SYNE1: variants seen among roughly 807,000 people sequenced by gnomAD.
SYNE1 encodes the protein nesprin-1.
In SYNE1, 616 loss-of-function variants were observed where a neutral mutation model predicts 1,111.0. The ratio of observed to expected loss-of-function variants is 0.55; its 90% CI spans 0.52 to 0.59. The LOEUF (loss-of-function observed/expected upper bound fraction) is 0.59, where lower values mean the gene tolerates loss of function less well. Ranked by LOEUF, SYNE1 falls within the 20% of genes least tolerant of loss-of-function variation. The probability of loss-of-function intolerance (pLI) is 0.00; values close to 1 mark genes in which losing one functional copy is unlikely to be tolerated. For synonymous variants in SYNE1, 3,855 were observed against 3,825.8 expected, an observed-to-expected ratio of 1.01 and a Z score of -0.28; for missense variants, 10,006 against 10,417.0, an observed-to-expected ratio of 0.96 and a Z score of 1.72.
At chr6:152,141,033 T>C (rs556109819) in intron 139 of SYNE1, among the ~76,000 whole-genome samples, 170 bp downstream of exon 139, 103 of 129,914 alleles carry the variant, frequency 7.9e-4, no homozygotes, top group African/African-American at 3.3e-3. Context: ...CCACTCCGCC[T>C]CAAAAAACAA....
chr6:152,262,598 C>T (rs1263461703), intron 100 of SYNE1, among the ~76,000 whole-genome samples: 4 of 151,866 alleles, frequency 2.6e-5, no homozygotes, highest in South Asian at 2.1e-4. Context: ...CAGGAGGGTA[C>T]AACAGGACAC....
intron 39 of SYNE1, among the ~76,000 whole-genome samples, chr6:152,421,671 TTTTA>T (rs377235444): frequency 0.13 from 18,773 of 145,292 alleles, 1,557 homozygotes; most frequent in African/African-American, 0.25. Flanking sequence ...ATTTTCCTTA[TTTTA>T]TTTATTTATT....
At position 152,385,800 on chromosome 6, in the gene SYNE1, A is replaced by G. The variant is rs543983989; in HGVS notation, c.8526T>C (p.His2842=). The change falls in exon 55 of 146, where the codon CAT becomes CAC. Residue 2842 remains histidine (H), a synonymous_variant. Coordinates refer to ENST00000367255, the MANE Select transcript of SYNE1 (RefSeq NM_182961.4). The part of the protein sequence containing the change: ...MRKVEEIVKD[H]LMYLDAVHEF... ...CGTGGACCGCATCTAAATACATTAG[A>G]TGATCTTTCACAATCTCTTCCACTT... 34 of 1,614,134 alleles carry G rather than the reference A, an allele frequency of 2.1e-5. No individual in the cohort carries two copies. In the African/African-American group the frequency reaches 3.9e-4, roughly 18 times the overall value.
intron 44 of SYNE1, 51 bp from the exon 45 acceptor site, chr6:152,407,247 T>A (rs942354965): frequency 6.4e-7 from 1 of 1,573,420 alleles, no homozygotes; most frequent in Non-Finnish European, 8.7e-7. Flanking sequence ...CGTAAGATGA[T>A]CATCCCCCAA....
At chr6:152,506,091 TC>T (rs1456016294) in intron 8 of SYNE1, among the ~76,000 whole-genome samples, 1 of 152,222 alleles carries the variant, frequency 6.6e-6, no homozygotes, top group Non-Finnish European at 1.5e-5. Flanking sequence ...TGGTGGTAAA[TC>T]TTTTTTCTTT....
rs750022864 is a variant in SYNE1, at chr6:152,455,385, C to T, written c.2892+41G>A. The T allele has an allele frequency of 3.1e-6, 5 of 1,589,970 alleles. No homozygotes were observed. The South Asian group carries it at 4.6e-5, about 15-fold the overall frequency. On this transcript the variant is annotated intron_variant, in intron 24 of 145. Coordinates refer to ENST00000367255, the MANE Select transcript of SYNE1 (RefSeq NM_182961.4). Reference sequence around the variant, plus strand: ...TAAGCTTTCCTCCAAGGTTGTTTGTCCATGTATTCAGGTCAAGTGTCCCCT... The same window carrying T: ...TAAGCTTTCCTCCAAGGTTGTTTGTTCATGTATTCAGGTCAAGTGTCCCCT...
chr6:152,344,174 G>A lies in SYNE1; in HGVS notation c.12132C>T (p.Thr4044=). 1 of 1,614,182 alleles carries A rather than the reference G, an allele frequency of 6.2e-7. No homozygotes were observed. The highest frequency in any genetic ancestry group is 8.5e-7 in the Non-Finnish European group (1 of 1,180,026). ...AAAGCCAGGCCTGGCACTGCTGCAG[G>A]GTGTCTTGTCGGCTGACGTGCTTCT... ...ELQKHVSRQD[T]LQQCQAWLSA... Residue 4044 remains threonine (T), a synonymous_variant, in exon 74 of 146, where the codon ACC becomes ACT. Transcript: ENST00000367255.
intron 50 of SYNE1, among the ~76,000 whole-genome samples, chr6:152,396,193 G>A (rs1056461021): frequency 1.3e-5 from 2 of 152,196 alleles, no homozygotes; most frequent in African/African-American, 4.8e-5. Context: ...TTTCTTAAGG[G>A]ATTTTCAAAT....
intron 31 of SYNE1, among the ~76,000 whole-genome samples, chr6:152,441,874 T>C (rs998855706): frequency 6.6e-6 from 1 of 152,182 alleles, no homozygotes. Flanking sequence ...TTCTTAAGCA[T>C]CCACACTTGC....
chr6:152,617,517 A>G (rs1565219507), intron 3 of SYNE1, among the ~76,000 whole-genome samples: 1 of 152,198 alleles, frequency 6.6e-6, no homozygotes, highest in Non-Finnish European at 1.5e-5. Context: ...TAGATTCCCA[A>G]CAAATATTTG....
In SYNE1 at chr6:152,217,409, G is replaced by A. The variant is rs202196349; in HGVS notation, c.22191+848C>T. Among the ~76,000 whole-genome samples, 88 of 145,360 alleles carry A rather than the reference G, an allele frequency of 6.1e-4. 1 individual carries two copies. In the South Asian group the frequency reaches 8.9e-3, roughly 15 times the overall value. On this transcript the variant is annotated intron_variant, in intron 121 of 145. Transcript: ENST00000367255. ...AGACTCCGTCACAAAAAAAAAAAAA[G>A]AAAAAAAAATTATTAAATTATTTTT...
chr6:152,135,278 T>C, intron 141 of SYNE1, 46 bp from the exon 142 acceptor site: 1 of 1,590,032 alleles, frequency 6.3e-7, no homozygotes, highest in East Asian at 2.3e-5. Context: ...TATTTTTATT[T>C]CTCTCAAAAC....
At chr6:152,289,924 C>CT (rs2094516489) in intron 95 of SYNE1, among the ~76,000 whole-genome samples, 4 of 115,300 alleles carry the variant, frequency 3.5e-5, no homozygotes, top group African/African-American at 1.3e-4. Flanking sequence ...CCGCGCCCAG[C>CT]CTTTTTTTTT....
chr6:152,443,464 C>T (rs1396852888), intron 30 of SYNE1, among the ~76,000 whole-genome samples: 2 of 152,154 alleles, frequency 1.3e-5, no homozygotes, highest in Non-Finnish European at 2.9e-5. Context: ...CGGGGTTTCA[C>T]CACGTTAGCC....
intron 87 of SYNE1, among the ~76,000 whole-genome samples, chr6:152,313,201 C>T (rs2095605463): frequency 6.6e-6 from 1 of 152,080 alleles, no homozygotes; most frequent in South Asian, 2.1e-4. Context: ...AATATAGATC[C>T]AAGAATGCTT....
chr6:152,268,251 G>C, intron 99 of SYNE1, 86 bp from the exon 100 acceptor site: 1 of 1,080,654 alleles, frequency 9.3e-7, no homozygotes, highest in Non-Finnish European at 1.4e-6. Context: ...AAAATTCTCA[G>C]AGAACTTCGG....
intron 47 of SYNE1, among the ~76,000 whole-genome samples, 157 bp from the exon 48 acceptor site, chr6:152,399,980 C>T (rs533893568): frequency 1.3e-5 from 2 of 152,230 alleles, no homozygotes; most frequent in South Asian, 2.1e-4. Context: ...TGTACTAGAT[C>T]TGTACTGATT....
intron 78 of SYNE1, among the ~76,000 whole-genome samples, chr6:152,328,106 C>T (rs142188504): frequency 6.6e-6 from 1 of 152,090 alleles, no homozygotes; most frequent in African/African-American, 2.4e-5. Context: ...AGAAGATAAA[C>T]CTAATAAAAG....
intron 2 of SYNE1, among the ~76,000 whole-genome samples, chr6:152,630,710 A>G (rs2099696519): frequency 6.6e-6 from 1 of 152,186 alleles, no homozygotes; most frequent in Admixed American, 6.5e-5. Flanking sequence ...TTCATTTCAG[A>G]TACCCCACTC....
Sources: gnomAD v4.1 joint callset for allele counts (sites outside exome capture counted in the v4.1 genomes callset) on GRCh38, gnomAD v4.1.1 for gene constraint, MANE v1.5 for transcripts, NCBI Gene and HGNC (gene_info 2026-07-23, HGNC 2026-07-21) for gene names.